PIK3R6: variants seen among roughly 807,000 people sequenced by gnomAD.
The protein encoded by PIK3R6 is phosphoinositide 3-kinase regulatory subunit 6.
Under a neutral mutation model 84.9 loss-of-function variants are expected in PIK3R6, and 91 were observed. The observed-to-expected ratio is 1.07, with a 90% CI of 0.90 to 1.28. The LOEUF is 1.28. Among genes scored for constraint, PIK3R6 ranks in the 50% most tolerant of loss-of-function variants. PIK3R6 has a pLI of 0.00. For synonymous variants in PIK3R6, 416 were observed against 411.4 expected, an observed-to-expected ratio of 1.01 and a Z score of -0.13; for missense variants, 996 against 985.1, an observed-to-expected ratio of 1.01 and a Z score of -0.15.
chr17:8,820,112 A>ATT (rs550540929), intron 17 of PIK3R6, among the ~76,000 whole-genome samples: 2 of 142,520 alleles, frequency 1.4e-5, no homozygotes, highest in Non-Finnish European at 3.1e-5. Context: ...ACACTGGCTA[A>ATT]TTTTTTTTTT....
At chr17:8,829,287 A>G (rs1037165533) in intron 10 of PIK3R6, among the ~76,000 whole-genome samples, 1 of 119,496 alleles carries the variant, frequency 8.4e-6, no homozygotes, top group Non-Finnish European at 1.7e-5. Flanking sequence ...ACACACACGC[A>G]TCATGCATAC....
Position 8,839,801 on chromosome 17 carries a change from G to A in PIK3R6, c.14-104C>T, listed in dbSNP as rs16957654. 385,794 of 993,408 alleles carry A rather than the reference G, an allele frequency of 0.39. 77,107 individuals are homozygous for A. Among genetic ancestry groups the A allele is most frequent in the African/African-American group, 0.5 (30,349 of 60,238 alleles). The allele number at this position is 993,408 out of a possible 1,614,324, so 61.5% of individuals were successfully genotyped here. ...TCTTTAGCCATTTCTCTGAGCCTCA[G>A]GAGGTGCCCGAAGTAATCGACTTAG... On this transcript the variant is annotated intron_variant, in intron 2 of 19. Coordinates refer to ENST00000619866, the MANE Select transcript of PIK3R6 (RefSeq NM_001010855.4). The surrounding 1 kb of genome is among the most constrained non-coding windows in gnomAD (Gnocchi z 4.2).
chr17:8,852,566 C>T (rs764645679), intron 1 of PIK3R6, among the ~76,000 whole-genome samples: 4 of 151,870 alleles, frequency 2.6e-5, no homozygotes, highest in Non-Finnish European at 5.9e-5. Context: ...GGTGAAACCC[C>T]GTCTCTACTA....
intron 17 of PIK3R6, among the ~76,000 whole-genome samples, chr17:8,819,689 TACACACACACACACACAC>T (rs59882941): frequency 7.4e-6 from 1 of 135,882 alleles, no homozygotes; most frequent in African/African-American, 2.9e-5. Flanking sequence ...TATATATATA[TACACACACACACACACAC>T]ATATATATAC....
At position 8,867,590 on chromosome 17, in the gene PIK3R6, G is replaced by A. The variant is rs1308008528; in HGVS notation, c.-153C>T. Reference sequence around the variant, plus strand: ...TTCAGCCAACTCCCCACGGTCCTGAGCGAGGTCCCCAGTCCCAGAGAAGCA... The same window carrying A: ...TTCAGCCAACTCCCCACGGTCCTGAACGAGGTCCCCAGTCCCAGAGAAGCA... On this transcript the variant is annotated 5_prime_UTR_variant, in exon 1 of 20. Coordinates refer to ENST00000619866, the MANE Select transcript of PIK3R6 (RefSeq NM_001010855.4). 1.9e-6 allele frequency: 1 copy of A among 513,054 alleles called. No homozygotes were observed. Among genetic ancestry groups the A allele is most frequent in the African/African-American group, 1.9e-5 (1 of 51,960 alleles). 31.8% of individuals were successfully genotyped at this position (513,054 alleles called of 1,614,324 possible). A position where few individuals can be genotyped will look rare whatever the true frequency, so the allele number is the denominator to read the frequency against.
chr17:8,867,242 G>A (rs1344568888), intron 1 of PIK3R6, among the ~76,000 whole-genome samples: 1 of 152,202 alleles, frequency 6.6e-6, no homozygotes, highest in Non-Finnish European at 1.5e-5. Flanking sequence ...ATTATTAACA[G>A]CATGTACAGG....
chr17:8,830,950 T>G lies in PIK3R6; in HGVS notation c.803-1158A>C, dbSNP rs79698971. On this transcript the variant is annotated intron_variant, in intron 9 of 19. Transcript: ENST00000619866. ...CGAGGTCAGGAGATCGCAACCATCC[T>G]GGCTAACACGGTGAAACCCCGTCTC... Among the ~76,000 whole-genome samples the G allele has an allele frequency of 3.1e-4, 47 of 151,712 alleles. 1 individual carries two copies. In the East Asian group the frequency reaches 8.8e-3, roughly 28 times the overall value.
intron 1 of PIK3R6, among the ~76,000 whole-genome samples, chr17:8,866,496 C>T (rs207476279): frequency 6.6e-6 from 1 of 152,120 alleles, no homozygotes; most frequent in African/African-American, 2.4e-5. Flanking sequence ...GAGCCGAGAT[C>T]GCACCACTAC....
At chr17:8,865,951 G>T (rs2089400967) in intron 1 of PIK3R6, among the ~76,000 whole-genome samples, 1 of 152,152 alleles carries the variant, frequency 6.6e-6, no homozygotes, top group South Asian at 2.1e-4. Flanking sequence ...CCTGAATGCA[G>T]CAGGGACCAG....
At chr17:8,824,044 C>T (rs565284515) in intron 13 of PIK3R6, among the ~76,000 whole-genome samples, 43 of 152,162 alleles carry the variant, frequency 2.8e-4, no homozygotes, top group African/African-American at 9.2e-4. Flanking sequence ...CTGAGGTGGG[C>T]GGGTCACCTG....
intron 18 of PIK3R6, among the ~76,000 whole-genome samples, chr17:8,814,673 G>A (rs758513647): frequency 6.6e-6 from 1 of 152,152 alleles, no homozygotes; most frequent in East Asian, 1.9e-4. Context: ...GAAAATTAGA[G>A]CATTAATTTA....
intron 1 of PIK3R6, among the ~76,000 whole-genome samples, chr17:8,850,300 C>CA (rs753799544): frequency 0.061 from 3,836 of 63,218 alleles, 71 homozygotes; most frequent in Middle Eastern, 0.11. Flanking sequence ...GAGACTGGCT[C>CA]AAAAAAAAAA....
intron 17 of PIK3R6, among the ~76,000 whole-genome samples, chr17:8,819,719 T>C (rs2087661592): frequency 6.8e-6 from 1 of 147,174 alleles, no homozygotes; most frequent in Non-Finnish European, 1.5e-5. Flanking sequence ...TATATATACA[T>C]ATATACACAC....
intron 1 of PIK3R6, among the ~76,000 whole-genome samples, chr17:8,857,175 T>C (rs1409337091): frequency 6.6e-6 from 1 of 152,168 alleles, no homozygotes; most frequent in Non-Finnish European, 1.5e-5. Flanking sequence ...TTAGTTTTCT[T>C]GGCTAGTCAT....
rs1441798492 is a variant in PIK3R6, at chr17:8,838,450, T to A, written c.189+114A>T. 3.4e-6 allele frequency: 3 copies of A among 881,136 alleles called. No homozygotes were observed. The South Asian group carries it at 5.0e-5, about 15-fold the overall frequency. 54.6% of individuals were successfully genotyped at this position (881,136 alleles called of 1,614,324 possible). On this transcript the variant is annotated intron_variant, in intron 4 of 19. Transcript: ENST00000619866. ...AGGAGGGAGATGCATATGGTAAAAA[T>A]CATGCAGGCAACCAAAGCTTATGAG...
At chr17:8,832,500 A>C (rs2088279045) in intron 9 of PIK3R6, among the ~76,000 whole-genome samples, 1 of 146,554 alleles carries the variant, frequency 6.8e-6, no homozygotes, top group South Asian at 2.1e-4. Context: ...CTCCTAACTC[A>C]GCATCCCGAG....
At chr17:8,829,064 C>A in intron 10 of PIK3R6, 74 bp from the exon 11 acceptor site, 1 of 1,357,546 alleles carries the variant, frequency 7.4e-7, no homozygotes, top group Non-Finnish European at 9.9e-7. Context: ...AGCCAGTCCT[C>A]TTCAGAGGAT....
At position 8,839,549 on chromosome 17, in the gene PIK3R6, T is replaced by A; in HGVS notation, c.97+65A>T. 1 of 1,321,188 alleles carries A rather than the reference T, an allele frequency of 7.6e-7. No homozygotes were observed. Among genetic ancestry groups the A allele is most frequent in the Non-Finnish European group, 1.1e-6 (1 of 946,598 alleles). 81.8% of individuals were successfully genotyped at this position (1,321,188 alleles called of 1,614,324 possible). A position where few individuals can be genotyped will look rare whatever the true frequency, so the allele number is the denominator to read the frequency against. On this transcript the variant is annotated intron_variant, in intron 3 of 19. Coordinates refer to ENST00000619866, the MANE Select transcript of PIK3R6 (RefSeq NM_001010855.4). This position sits in a 1 kb window ranked among gnomAD's most constrained non-coding sequence, Gnocchi z 4.2. ...GCCGGGGCTCTTTCCTGTATGCGCG[T>A]GTATTGTTGGCTGGGGTTGGGTGGA...
chr17:8,843,181 C>T (rs1046004682), intron 2 of PIK3R6, among the ~76,000 whole-genome samples: 4 of 152,196 alleles, frequency 2.6e-5, no homozygotes, highest in Non-Finnish European at 5.9e-5. Context: ...GTCTTTCCTC[C>T]GTCTATGCAT....
Sources: gnomAD v4.1 joint callset for allele counts (sites outside exome capture counted in the v4.1 genomes callset) on GRCh38, gnomAD v4.1.1 for gene constraint, Gnocchi (gnomAD v3.1) non-coding constraint, MANE v1.5 for transcripts, NCBI Gene and HGNC (gene_info 2026-07-23, HGNC 2026-07-21) for gene names.